HS6ST3: variants seen among roughly 807,000 people sequenced by gnomAD.
HS6ST3 encodes heparan-sulfate 6-O-sulfotransferase 3.
A neutral mutation model predicts 36.7 loss-of-function variants in HS6ST3; 12 were observed. That is an observed-to-expected ratio of 0.33 (90% CI 0.21 to 0.53). The LOEUF (loss-of-function observed/expected upper bound fraction) is 0.53. HS6ST3 is among the 20% of genes least tolerant of loss of function. The pLI is 0.95. For missense variants in HS6ST3, 584 were observed against 640.9 expected, an observed-to-expected ratio of 0.91 and a Z score of 0.96; for synonymous variants, 240 against 257.5, an observed-to-expected ratio of 0.93 and a Z score of 0.65.
chr13:96,349,758 A>T (rs2055173127), intron 1 of HS6ST3, among the ~76,000 whole-genome samples: 1 of 152,250 alleles, frequency 6.6e-6, no homozygotes, highest in Non-Finnish European at 1.5e-5. Flanking sequence ...TACAAAGGAA[A>T]TATGATTGAA....
At chr13:96,394,013 T>G (rs2139453399) in intron 1 of HS6ST3, among the ~76,000 whole-genome samples, 1 of 152,296 alleles carries the variant, frequency 6.6e-6, no homozygotes, top group Non-Finnish European at 1.5e-5. Flanking sequence ...GTCACGTGTC[T>G]TATGAAGTTT....
intron 1 of HS6ST3, among the ~76,000 whole-genome samples, chr13:96,337,522 A>T (rs1331210207): frequency 6.6e-6 from 1 of 151,986 alleles, no homozygotes; most frequent in African/African-American, 2.4e-5. Flanking sequence ...ATTGCTGTTG[A>T]GATACCTGAG....
chr13:96,449,911 G>A (rs2055718866), intron 1 of HS6ST3, among the ~76,000 whole-genome samples: 1 of 152,148 alleles, frequency 6.6e-6, no homozygotes, highest in Admixed American at 6.6e-5. Context: ...GAGATGAGAG[G>A]TGGTGTGCAT....
chr13:96,691,802 C>T (rs1162039108), intron 1 of HS6ST3, among the ~76,000 whole-genome samples: 1 of 152,058 alleles, frequency 6.6e-6, no homozygotes, highest in Non-Finnish European at 1.5e-5. Context: ...TTAGCTAGCT[C>T]TTAATCAAGG....
intron 1 of HS6ST3, among the ~76,000 whole-genome samples, chr13:96,227,340 A>T (rs1034570472): frequency 6.6e-6 from 1 of 152,250 alleles, no homozygotes; most frequent in Non-Finnish European, 1.5e-5. Flanking sequence ...TTAAGCTGAG[A>T]TATAAAGTAG....
intron 1 of HS6ST3, among the ~76,000 whole-genome samples, chr13:96,371,919 G>A (rs1241853126): frequency 6.6e-6 from 1 of 151,996 alleles, no homozygotes. Context: ...TCCTATCTTG[G>A]CTATTGTAAA....
At chr13:96,139,708 CAT>C (rs762261927) in intron 1 of HS6ST3, among the ~76,000 whole-genome samples, 52 of 151,904 alleles carry the variant, frequency 3.4e-4, no homozygotes, top group Admixed American at 1.3e-3. Flanking sequence ...GTGTATGAAA[CAT>C]AGCAATGATT....
intron 1 of HS6ST3, among the ~76,000 whole-genome samples, chr13:96,509,705 G>A (rs960219941): frequency 2.6e-5 from 4 of 152,110 alleles, no homozygotes; most frequent in Admixed American, 6.6e-5. Flanking sequence ...TGGTGTATGC[G>A]ACTACTTTTA....
rs535015049 is a variant in HS6ST3 at position 96,765,222 on chromosome 13, G to A, written c.708-67268G>A. Among the ~76,000 whole-genome samples, 522 of 152,098 alleles carry A rather than the reference G, an allele frequency of 3.4e-3. 2 individuals are homozygous for A. The highest frequency in any genetic ancestry group is 8.6e-3 in the Admixed American group (132 of 15,276). On this transcript the variant is annotated intron_variant, in intron 1 of 1. Coordinates refer to ENST00000376705, the MANE Select transcript of HS6ST3 (RefSeq NM_153456.4). ...CGGAGTAGCTGGGACTAAGGCAGCC[G>A]CCACCGCGCCTGGCTAATTTTTTGT... is the stretch of plus-strand genomic sequence containing the variant.
At chr13:96,152,039 T>G (rs1238269907) in intron 1 of HS6ST3, among the ~76,000 whole-genome samples, 1 of 152,162 alleles carries the variant, frequency 6.6e-6, no homozygotes, top group Non-Finnish European at 1.5e-5. Flanking sequence ...CTTTTTTGGG[T>G]GGGGGGACAC....
intron 1 of HS6ST3, among the ~76,000 whole-genome samples, chr13:96,829,657 A>G (rs1023853356): frequency 2.0e-5 from 3 of 152,182 alleles, no homozygotes; most frequent in African/African-American, 7.2e-5. Flanking sequence ...AAAGGACATG[A>G]TCTCATTCTT....
At chr13:96,340,623 G>A (rs973982317) in intron 1 of HS6ST3, among the ~76,000 whole-genome samples, 13 of 152,216 alleles carry the variant, frequency 8.5e-5, no homozygotes, top group African/African-American at 2.9e-4. Flanking sequence ...GGAGGGACCT[G>A]CTCAGGTTTC....
intron 1 of HS6ST3, among the ~76,000 whole-genome samples, chr13:96,207,374 G>A (rs1278202988): frequency 6.6e-6 from 1 of 151,972 alleles, no homozygotes; most frequent in Non-Finnish European, 1.5e-5. Context: ...CCTTTTTCTT[G>A]TTGGTGGGAG....
At chr13:96,114,407 C>T (rs1237080355) in intron 1 of HS6ST3, among the ~76,000 whole-genome samples, 3 of 152,138 alleles carry the variant, frequency 2.0e-5, no homozygotes. Flanking sequence ...CCCTTGGCCT[C>T]CTAAAGTACT....
chr13:96,311,211 C>G (rs566745325), intron 1 of HS6ST3, among the ~76,000 whole-genome samples: 1 of 152,222 alleles, frequency 6.6e-6, no homozygotes, highest in East Asian at 1.9e-4. Context: ...GTCTCATATT[C>G]CATTGATAGG....
intron 1 of HS6ST3, among the ~76,000 whole-genome samples, chr13:96,100,396 A>G (rs1251672709): frequency 6.6e-6 from 1 of 152,188 alleles, no homozygotes; most frequent in Non-Finnish European, 1.5e-5. Context: ...AACTAGTTTG[A>G]GAGGTATGGA....
intron 1 of HS6ST3, among the ~76,000 whole-genome samples, chr13:96,387,874 CA>C (rs1246443183): frequency 6.6e-6 from 1 of 152,144 alleles, no homozygotes; most frequent in Non-Finnish European, 1.5e-5. Flanking sequence ...CTTTGTGCTT[CA>C]GGGGCCATTT....
chr13:96,115,336 A>G (rs1266933211), intron 1 of HS6ST3, among the ~76,000 whole-genome samples: 1 of 152,176 alleles, frequency 6.6e-6, no homozygotes, highest in African/African-American at 2.4e-5. Flanking sequence ...TTTGTTACAT[A>G]GGTGTACGTG....
intron 1 of HS6ST3, among the ~76,000 whole-genome samples, chr13:96,784,824 T>C (rs1306582454): frequency 6.6e-6 from 1 of 152,070 alleles, no homozygotes; most frequent in Non-Finnish European, 1.5e-5. Flanking sequence ...ATGTTCCTCA[T>C]AAAAATATAA....
Sources: gnomAD v4.1 joint callset for allele counts (sites outside exome capture counted in the v4.1 genomes callset) on GRCh38, gnomAD v4.1.1 for gene constraint, MANE v1.5 for transcripts, NCBI Gene and HGNC (gene_info 2026-07-23, HGNC 2026-07-21) for gene names.